ACSL6: variants seen among roughly 807,000 people sequenced by gnomAD.
The protein encoded by ACSL6 is long-chain-fatty-acid--CoA ligase 6.
In ACSL6, 47 loss-of-function variants were observed where a neutral mutation model predicts 98.2. That is an observed-to-expected ratio of 0.48 (90% CI 0.38 to 0.61). The LOEUF is 0.61. Among genes scored for constraint, ACSL6 ranks in the 20% least tolerant of loss-of-function variants. The pLI is 0.00. For synonymous variants in ACSL6, 362 were observed against 336.9 expected (o/e 1.07, Z -0.82); for missense variants, 761 against 913.4 (o/e 0.83, Z 2.15).
chr5:131,991,063 T>C, intron 2 of ACSL6, 96 bp from the exon 3 acceptor site: 3 of 1,019,426 alleles, frequency 2.9e-6, no homozygotes, highest in South Asian at 1.4e-5. Flanking sequence ...AGCTCGGATG[T>C]ACAACCCGTG....
chr5:131,986,832 T>C lies in ACSL6; in HGVS notation c.854A>G (p.Gln285Arg). ...AVEDCGQENH[Q>R]APVPPQPDDL... ...GGTGAATTCGCTTACCACAGGAGCC[T>C]GGTGATTCTCTTGGCCACAGTCCTG... Residue 285 changes from glutamine (Q) to arginine (R), a missense_variant, in exon 8 of 21, where the codon CAG (glutamine) becomes CGG (arginine). By Grantham distance (43) the Gln-to-Arg change is conservative (BLOSUM62 1). Coordinates refer to ENST00000651883, the MANE Select transcript of ACSL6 (RefSeq NM_001009185.3). 2 of 1,614,196 alleles carry C rather than the reference T, an allele frequency of 1.2e-6. No homozygotes were observed. Among genetic ancestry groups the C allele is most frequent in the Non-Finnish European group, 1.7e-6 (2 of 1,180,040 alleles).
At chr5:131,973,451 G>T in intron 11 of ACSL6, 51 bp from the exon 12 acceptor site, 1 of 1,592,908 alleles carries the variant, frequency 6.3e-7, no homozygotes. Flanking sequence ...GTCACTACTG[G>T]CGATAGTCCA....
intron 1 of ACSL6, among the ~76,000 whole-genome samples, chr5:131,997,735 T>G (rs1236616883): frequency 1.3e-5 from 2 of 152,194 alleles, no homozygotes; most frequent in Admixed American, 6.5e-5. Flanking sequence ...CAACTTCTAC[T>G]TAGGTGCTCA....
intron 10 of ACSL6, chr5:131,975,180 A>C: frequency 7.1e-7 from 1 of 1,404,882 alleles, no homozygotes; most frequent in Non-Finnish European, 9.3e-7. Context: ...GGGAAGGTGC[A>C]GAAAGAAGAG....
intron 1 of ACSL6, among the ~76,000 whole-genome samples, chr5:132,008,167 C>G (rs978006372): frequency 2.6e-5 from 4 of 152,188 alleles, no homozygotes; most frequent in African/African-American, 9.7e-5. Context: ...CACAGAGCCA[C>G]CTGTTCTGCC....
At chr5:131,973,606 A>C in intron 11 of ACSL6, 1 of 462,018 alleles carries the variant, frequency 2.2e-6, no homozygotes, top group South Asian at 3.8e-5. Flanking sequence ...AGGCACAGGG[A>C]GATGAAGCAG....
chr5:131,951,214 C>G lies in ACSL6; in HGVS notation c.*3020G>C, dbSNP rs1252128342. On this transcript the variant is annotated 3_prime_UTR_variant, in exon 21 of 21. Transcript: ENST00000651883. ...CTTAAGGAACTGATTATCTGTTATA[C>G]TTCTAGGCTTAAATAGATCCAATGC... 2 of 211,588 alleles carry G rather than the reference C, an allele frequency of 9.5e-6. No homozygotes were observed. Among genetic ancestry groups the G allele is most frequent in the Admixed American group, 5.9e-5 (1 of 16,978 alleles). The allele number at this position is 211,588 out of a possible 1,614,324, so 13.1% of individuals were successfully genotyped here.
intron 13 of ACSL6, among the ~76,000 whole-genome samples, chr5:131,972,086 A>T (rs1200425976): frequency 6.6e-6 from 1 of 152,236 alleles, no homozygotes; most frequent in Non-Finnish European, 1.5e-5. Context: ...TTTACTATGT[A>T]CTGCTGAGGA....
chr5:131,964,298 T>C (rs112199545), intron 17 of ACSL6, among the ~76,000 whole-genome samples: 1 of 152,358 alleles, frequency 6.6e-6, no homozygotes, highest in South Asian at 2.1e-4. Context: ...AAAAGTCACA[T>C]CATGATTAAG....
At chr5:132,001,608 A>C (rs369658321) in intron 1 of ACSL6, among the ~76,000 whole-genome samples, 1 of 152,196 alleles carries the variant, frequency 6.6e-6, no homozygotes, top group Non-Finnish European at 1.5e-5. Context: ...AGCTTCCCCA[A>C]GGAGCCTGAT....
intron 20 of ACSL6, among the ~76,000 whole-genome samples, chr5:131,956,534 G>C (rs1297395511): frequency 2.6e-5 from 4 of 152,096 alleles, no homozygotes; most frequent in Non-Finnish European, 5.9e-5. Context: ...GCCAGTCCCT[G>C]GTCTGGTCTG....
chr5:131,961,416 G>T (rs1402382809), intron 18 of ACSL6, among the ~76,000 whole-genome samples: 3 of 152,080 alleles, frequency 2.0e-5, no homozygotes, highest in Non-Finnish European at 4.4e-5. Context: ...TATCAGGCAG[G>T]GCATGGTGGC....
rs1335265788 is a variant in ACSL6, at chr5:132,011,332, G to A, written c.49+173C>T. 2.9e-6 allele frequency: 2 copies of A among 683,892 alleles called. No individual in the cohort carries two copies. Among genetic ancestry groups the A allele is most frequent in the Non-Finnish European group, 5.0e-6 (2 of 398,120 alleles). 42.4% of individuals were successfully genotyped at this position (683,892 alleles called of 1,614,324 possible). On this transcript the variant is annotated intron_variant, in intron 1 of 20. Transcript: ENST00000651883. The surrounding 1 kb of genome is among the most constrained non-coding windows in gnomAD (Gnocchi z 5.4). ...TCCCCAAACCCGGCCCGGAGCCCGCGAGAACTGGGGGCGGAGGGTGTACTT... is the reference window on the plus strand; with the variant it reads ...TCCCCAAACCCGGCCCGGAGCCCGCAAGAACTGGGGGCGGAGGGTGTACTT...
rs768148592 is a variant in ACSL6 at position 131,985,391 on chromosome 5, G to A, written c.916+16C>T. On this transcript the variant is annotated intron_variant, in intron 9 of 20. Transcript: ENST00000651883. ...TGCAGGTAGCCATGGCTGGGGATCT[G>A]CGTGCCTCTGCTTACCTGTCGTGCC... 1 of 1,614,024 alleles carries A rather than the reference G, an allele frequency of 6.2e-7. No homozygotes were observed. Among genetic ancestry groups the A allele is most frequent in the Non-Finnish European group, 8.5e-7 (1 of 1,179,972 alleles).
chr5:131,960,710 C>A (rs1345536489), intron 18 of ACSL6, 89 bp from the exon 19 acceptor site: 3 of 971,674 alleles, frequency 3.1e-6, no homozygotes, highest in Non-Finnish European at 4.5e-6. Context: ...TCAGACTCCA[C>A]CTTTTTCAAA....
At chr5:132,006,753 T>C (rs1490621925) in intron 1 of ACSL6, 1 of 152,236 alleles carries the variant, frequency 6.6e-6, no homozygotes, top group Non-Finnish European at 1.5e-5. Context: ...ACTAGTTGAT[T>C]CATTCATTCA....
intron 10 of ACSL6, 42 bp downstream of exon 10, chr5:131,976,606 G>T (rs1753631380): frequency 4.1e-6 from 6 of 1,477,234 alleles, no homozygotes; most frequent in South Asian, 2.3e-5. Flanking sequence ...GCTTGAGGTT[G>T]TCCTCAAGAG....
In ACSL6 at chr5:131,983,039, A is replaced by G. The variant is rs150226288; in HGVS notation, c.916+2368T>C. ...TAGAAAAAGAGTGCTAAAAACACAT[A>G]GACTGAAAGTTATGTTTTTTAAAAG... On this transcript the variant is annotated intron_variant, in intron 9 of 20. Transcript: ENST00000651883. The G allele has an allele frequency of 2.0e-5, 3 of 152,364 alleles. No individual in the cohort carries two copies. In the East Asian group the frequency reaches 5.8e-4, roughly 29 times the overall value. 9.4% of individuals were successfully genotyped at this position (152,364 alleles called of 1,614,324 possible).
In ACSL6 at chr5:131,989,635, A is replaced by T. The variant is rs559222098; in HGVS notation, c.451-127T>A. The T allele has an allele frequency of 2.9e-4, 197 of 673,396 alleles. 2 individuals are homozygous for T. In the Middle Eastern group the frequency reaches 4.1e-3, roughly 14 times the overall value. The allele number at this position is 673,396 out of a possible 1,614,324, so 41.7% of individuals were successfully genotyped here. A position where few individuals can be genotyped will look rare whatever the true frequency, so the allele number is the denominator to read the frequency against. On this transcript the variant is annotated intron_variant, in intron 4 of 20. Transcript: ENST00000651883. ...TTTTGAGATGGAGTCTCGATCTATC[A>T]CCCAGGCTGGAGTGCAATGGCACAA... is the stretch of plus-strand genomic sequence containing the variant.
Sources: gnomAD v4.1 joint callset for allele counts (sites outside exome capture counted in the v4.1 genomes callset) on GRCh38, gnomAD v4.1.1 for gene constraint, Gnocchi (gnomAD v3.1) non-coding constraint, MANE v1.5 for transcripts, NCBI Gene and HGNC (gene_info 2026-07-23, HGNC 2026-07-21) for gene names.